Variants in CNPY1 observed in about 807,000 individuals in gnomAD.
CNPY1 encodes the protein canopy FGF signaling regulator 1.
Under a neutral mutation model 14.4 loss-of-function variants are expected in CNPY1, and 14 were observed. The ratio of observed to expected loss-of-function variants is 0.97; its 90% CI spans 0.64 to 1.52. The LOEUF (loss-of-function observed/expected upper bound fraction) is 1.52, where lower values mean the gene tolerates loss of function less well. CNPY1 is among the 40% of genes most tolerant of loss of function. The pLI is 0.00. For missense variants in CNPY1, 129 were observed against 131.5 expected (o/e 0.98, Z 0.09); for synonymous variants, 43 against 46.5 (o/e 0.92, Z 0.31).
Position 155,501,288 on chromosome 7 carries a change from G to T in CNPY1, c.*1780C>A, listed in dbSNP as rs1419404800. Reference sequence around the variant, plus strand: ...CATGAAAGGCACCCCTCAGTGACAGGAGGTGCACCTCCCCACGTCCGTTTA... The same window carrying T: ...CATGAAAGGCACCCCTCAGTGACAGTAGGTGCACCTCCCCACGTCCGTTTA... On this transcript the variant is annotated 3_prime_UTR_variant, in exon 5 of 5. Coordinates refer to ENST00000636446, the MANE Select transcript of CNPY1 (RefSeq NM_001393663.1). 1 of 152,148 alleles carries T rather than the reference G, an allele frequency of 6.6e-6. No individual in the cohort carries two copies. The highest frequency in any genetic ancestry group is 2.1e-4 in the South Asian group (1 of 4,826). 9.4% of individuals were successfully genotyped at this position (152,148 alleles called of 1,614,324 possible). A position where few individuals can be genotyped will look rare whatever the true frequency, so the allele number is the denominator to read the frequency against.
At chr7:155,516,475 C>T (rs1299825817) in intron 2 of CNPY1, among the ~76,000 whole-genome samples, 1 of 152,176 alleles carries the variant, frequency 6.6e-6, no homozygotes, top group Non-Finnish European at 1.5e-5. Context: ...CACAGGATGA[C>T]AGCCAGAGTG....
intron 2 of CNPY1, among the ~76,000 whole-genome samples, chr7:155,542,680 G>C (rs1301920103): frequency 6.6e-6 from 1 of 152,214 alleles, no homozygotes; most frequent in Admixed American, 6.5e-5. Flanking sequence ...GGACATGCAG[G>C]CTGTCGTGGG....
At chr7:155,509,388 TG>T (rs1796447453) in intron 2 of CNPY1, among the ~76,000 whole-genome samples, 1 of 152,288 alleles carries the variant, frequency 6.6e-6, no homozygotes, top group African/African-American at 2.4e-5. Flanking sequence ...CATAGAATCA[TG>T]TTTAGAAATC....
intron 2 of CNPY1, among the ~76,000 whole-genome samples, chr7:155,539,580 G>C (rs1797060911): frequency 1.3e-5 from 2 of 152,146 alleles, no homozygotes. Context: ...TTGTTTCATA[G>C]TACATAATGG....
At chr7:155,531,234 C>T (rs148287912) in intron 2 of CNPY1, among the ~76,000 whole-genome samples, 21 of 152,322 alleles carry the variant, frequency 1.4e-4, no homozygotes, top group African/African-American at 3.6e-4. Flanking sequence ...CTCACTCTCT[C>T]CTCTAGCTGT....
At chr7:155,509,768 G>A (rs1312529445) in intron 2 of CNPY1, among the ~76,000 whole-genome samples, 1 of 152,196 alleles carries the variant, frequency 6.6e-6, no homozygotes, top group African/African-American at 2.4e-5. Context: ...GCTTTCTTTG[G>A]GAACAGCTGG....
rs1797020941 is a variant in CNPY1, at chr7:155,536,177, G to GA, written c.99+9653dup. The stretch of plus-strand genomic sequence containing the variant: ...CTGTAAATCCATGGCATGCAGTGGT[G>GA]AAACAGGGACTTGCAGCATTACCTG... On this transcript the variant is annotated intron_variant, in intron 2 of 4. Coordinates refer to ENST00000636446, the MANE Select transcript of CNPY1 (RefSeq NM_001393663.1). The surrounding 1 kb of genome is among the most constrained non-coding windows in gnomAD (Gnocchi z 4.1). 6.6e-6 allele frequency among the ~76,000 whole-genome samples: 1 copy of GA among 152,140 alleles called. No homozygotes were observed. The highest frequency in any genetic ancestry group is 1.5e-5 in the Non-Finnish European group (1 of 68,018).
At chr7:155,504,465 A>G (rs1007221476) in intron 4 of CNPY1, among the ~76,000 whole-genome samples, 14 of 152,202 alleles carry the variant, frequency 9.2e-5, no homozygotes, top group Admixed American at 3.3e-4. Flanking sequence ...AAGAGAAATA[A>G]TCTACATTAA....
At chr7:155,507,676 T>C (rs1294898942) in intron 3 of CNPY1, among the ~76,000 whole-genome samples, 2 of 152,198 alleles carry the variant, frequency 1.3e-5, no homozygotes, top group African/African-American at 4.8e-5. Flanking sequence ...TGTCTTTTCA[T>C]GCTGTTTAGA....
Position 155,526,616 on chromosome 7 carries a change from G to A in CNPY1, c.100-17519C>T, listed in dbSNP as rs200679447. ...TAAGAAATCCAAATAGCACGCTGGTGGAAAGATGCTTAACTGCACTGGTAG... is the reference window on the plus strand; with the variant it reads ...TAAGAAATCCAAATAGCACGCTGGTAGAAAGATGCTTAACTGCACTGGTAG... On this transcript the variant is annotated intron_variant, in intron 2 of 4. Transcript: ENST00000636446. Among the ~76,000 whole-genome samples, 3 of 152,150 alleles carry A rather than the reference G, an allele frequency of 2.0e-5. No individual in the cohort carries two copies. The East Asian group carries it at 5.8e-4, about 29-fold the overall frequency.
At chr7:155,513,004 A>G (rs1796557347) in intron 2 of CNPY1, among the ~76,000 whole-genome samples, 1 of 152,254 alleles carries the variant, frequency 6.6e-6, no homozygotes, top group Non-Finnish European at 1.5e-5. Flanking sequence ...GTCAATATTT[A>G]GAAGTGAAAA....
intron 2 of CNPY1, among the ~76,000 whole-genome samples, chr7:155,510,817 C>T (rs10266572): frequency 0.31 from 47,831 of 152,114 alleles, 8,086 homozygotes; most frequent in African/African-American, 0.44. Flanking sequence ...AACTGAAAAT[C>T]TGTTTTATTA....
intron 2 of CNPY1, among the ~76,000 whole-genome samples, chr7:155,517,155 T>C (rs1372563605): frequency 1.3e-5 from 2 of 152,156 alleles, no homozygotes; most frequent in African/African-American, 4.8e-5. Flanking sequence ...TATCTGGAGA[T>C]AGGATCTTTG....
intron 2 of CNPY1, among the ~76,000 whole-genome samples, chr7:155,527,434 CTTTTTTTT>C (rs11364914): frequency 1.1e-4 from 6 of 56,894 alleles, no homozygotes; most frequent in East Asian, 6.2e-4. Flanking sequence ...TAATTAATTT[CTTTTTTTT>C]TTTTTTTTTT....
chr7:155,505,472 A>AG (rs1367855618), intron 4 of CNPY1, among the ~76,000 whole-genome samples: 1 of 152,220 alleles, frequency 6.6e-6, no homozygotes, highest in African/African-American at 2.4e-5. Flanking sequence ...ATAAATATGC[A>AG]GAAGGAATGA....
At chr7:155,543,723 A>G (rs1309453774) in intron 2 of CNPY1, among the ~76,000 whole-genome samples, 3 of 152,202 alleles carry the variant, frequency 2.0e-5, no homozygotes, top group Non-Finnish European at 2.9e-5. Context: ...CAACACGAGG[A>G]ACCCACCCGC....
intron 4 of CNPY1, 145 bp downstream of exon 4, chr7:155,506,875 C>A: frequency 5.3e-5 from 31 of 586,382 alleles, no homozygotes; most frequent in East Asian, 9.8e-5. Context: ...GCTGTCGTTT[C>A]TGATTCAGCG....
intron 2 of CNPY1, among the ~76,000 whole-genome samples, chr7:155,527,620 T>G (rs1477071261): frequency 1.3e-5 from 2 of 150,754 alleles, no homozygotes; most frequent in Admixed American, 1.3e-4. Flanking sequence ...TTTTTTTTTT[T>G]TTTGTATTTT....
chr7:155,516,989 C>T (rs1796634030), intron 2 of CNPY1, among the ~76,000 whole-genome samples: 1 of 152,168 alleles, frequency 6.6e-6, no homozygotes, highest in South Asian at 2.1e-4. Flanking sequence ...GCCGCTGGTC[C>T]TTGGGGCATT....
Sources: gnomAD v4.1 joint callset for allele counts (sites outside exome capture counted in the v4.1 genomes callset) on GRCh38, gnomAD v4.1.1 for gene constraint, Gnocchi (gnomAD v3.1) non-coding constraint, MANE v1.5 for transcripts, NCBI Gene and HGNC (gene_info 2026-07-23, HGNC 2026-07-21) for gene names.